SLC30A7: variants seen among roughly 807,000 people sequenced by gnomAD.
SLC30A7 encodes zinc transporter 7.
In SLC30A7, 35 loss-of-function variants were observed where a neutral mutation model predicts 46.0. The observed-to-expected ratio is 0.76, with a 90% confidence interval of 0.58 to 1.01. SLC30A7 has a LOEUF of 1.01. Among genes scored for constraint, SLC30A7 ranks in the 50% least tolerant of loss-of-function variants. The pLI is 0.00. For synonymous variants in SLC30A7, 147 were observed against 157.8 expected, an observed-to-expected ratio of 0.93 and a Z score of 0.51; for missense variants, 464 against 451.1, an observed-to-expected ratio of 1.03 and a Z score of -0.26.
chr1:100,945,069 T>C (rs2101062259), intron 8 of SLC30A7, among the ~76,000 whole-genome samples: 1 of 152,378 alleles, frequency 6.6e-6, no homozygotes, highest in Non-Finnish European at 1.5e-5. Context: ...ATGTGTCCGT[T>C]GGCTGCATAA....
chr1:100,985,995 A>G (rs1460623971), downstream of SLC30A7, among the ~76,000 whole-genome samples: 8 of 152,256 alleles, frequency 5.3e-5, no homozygotes, highest in African/African-American at 1.9e-4. Flanking sequence ...ATCCAATTTA[A>G]AAGTAGGCAA....
At chr1:100,948,082 C>T (rs1157252007) in intron 8 of SLC30A7, among the ~76,000 whole-genome samples, 2 of 152,096 alleles carry the variant, frequency 1.3e-5, no homozygotes, top group African/African-American at 4.8e-5. Flanking sequence ...TGAATTTGAT[C>T]CTGTCATTAT....
At position 100,964,973 on chromosome 1, in the gene SLC30A7, A is replaced by G. The variant is rs1383941558; in HGVS notation, c.934-796A>G. On this transcript the variant is annotated intron_variant, in intron 9 of 10. Coordinates refer to ENST00000357650, the MANE Select transcript of SLC30A7 (RefSeq NM_133496.5). ...GGAGTTTATAGAAAATAATGACTAC[A>G]TTCATCAAATTCTGACAAAACATAA... Among the ~76,000 whole-genome samples the G allele has an allele frequency of 2.6e-5, 4 of 152,356 alleles. No homozygotes were observed. In the East Asian group the frequency reaches 5.8e-4, roughly 22 times the overall value.
At chr1:100,955,387 G>T (rs894026448) in intron 8 of SLC30A7, among the ~76,000 whole-genome samples, 1 of 152,162 alleles carries the variant, frequency 6.6e-6, no homozygotes, top group East Asian at 1.9e-4. Flanking sequence ...GTTTATGATT[G>T]TAAGATTATA....
intron 7 of SLC30A7, among the ~76,000 whole-genome samples, chr1:100,920,874 G>A (rs983093226): frequency 2.7e-5 from 4 of 147,434 alleles, no homozygotes; most frequent in African/African-American, 1.0e-4. Flanking sequence ...CATGATTGAA[G>A]TTTAAAAGAA....
intron 10 of SLC30A7, among the ~76,000 whole-genome samples, chr1:100,970,364 C>T (rs981481952): frequency 2.0e-5 from 3 of 152,026 alleles, no homozygotes; most frequent in Admixed American, 2.0e-4. Context: ...GTTAATAAAA[C>T]TATAGTTTTG....
chr1:100,962,938 T>C (rs1285436223), intron 9 of SLC30A7, among the ~76,000 whole-genome samples: 1 of 152,184 alleles, frequency 6.6e-6, no homozygotes, highest in Non-Finnish European at 1.5e-5. Flanking sequence ...AGAGAAAGTG[T>C]TGGCTTATTA....
chr1:100,953,176 C>T (rs1364076302), intron 8 of SLC30A7, among the ~76,000 whole-genome samples: 2 of 152,174 alleles, frequency 1.3e-5, no homozygotes, highest in Non-Finnish European at 1.5e-5. Flanking sequence ...TTTCCTGAGG[C>T]CTCCTACTCA....
intron 8 of SLC30A7, among the ~76,000 whole-genome samples, chr1:100,934,887 A>G (rs538616548): frequency 1.3e-5 from 2 of 152,222 alleles, no homozygotes; most frequent in African/African-American, 4.8e-5. Flanking sequence ...TTTGTCAATA[A>G]TTCAGAACAT....
intron 2 of SLC30A7, 62 bp downstream of exon 2, chr1:100,896,733 G>T: frequency 1.4e-6 from 2 of 1,384,960 alleles, no homozygotes; most frequent in Non-Finnish European, 1.0e-6. Flanking sequence ...AGCACTGTTT[G>T]CTTAATGCCA....
At chr1:100,996,006 A>C in the SLC30A7 span, 1 of 152,246 alleles carries the variant, frequency 6.6e-6, no homozygotes, top group Non-Finnish European at 1.5e-5. Context: ...TTTCTTATAA[A>C]GGATATCAAA....
At chr1:100,985,863 A>G (rs1310107337), downstream of SLC30A7, among the ~76,000 whole-genome samples, 1 of 152,236 alleles carries the variant, frequency 6.6e-6, no homozygotes, top group Non-Finnish European at 1.5e-5. Flanking sequence ...TTTATCAAAA[A>G]TGGTTAAGGG....
At chr1:100,956,828 A>C (rs1471383138) in intron 8 of SLC30A7, among the ~76,000 whole-genome samples, 2 of 152,172 alleles carry the variant, frequency 1.3e-5, no homozygotes, top group Non-Finnish European at 2.9e-5. Flanking sequence ...AATTAAGAAA[A>C]CCATTTACCA....
chr1:100,953,420 T>C (rs550516400), intron 8 of SLC30A7, among the ~76,000 whole-genome samples: 1 of 152,350 alleles, frequency 6.6e-6, no homozygotes, highest in Admixed American at 6.5e-5. Context: ...ATACTTGTCA[T>C]TTCTGAAGCT....
chr1:100,954,910 A>G (rs1289901437), intron 8 of SLC30A7, among the ~76,000 whole-genome samples: 2 of 152,054 alleles, frequency 1.3e-5, no homozygotes, highest in Non-Finnish European at 2.9e-5. Context: ...GATATACAAC[A>G]TAAGCCAAAT....
At chr1:100,920,389 G>A (rs928948333) in intron 7 of SLC30A7, among the ~76,000 whole-genome samples, 3 of 151,884 alleles carry the variant, frequency 2.0e-5, no homozygotes, top group South Asian at 2.1e-4. Context: ...TTTGAAATAC[G>A]TGATAGGAAC....
At chr1:100,950,837 G>A (rs1004777225) in intron 8 of SLC30A7, among the ~76,000 whole-genome samples, 5 of 152,108 alleles carry the variant, frequency 3.3e-5, no homozygotes, top group African/African-American at 9.7e-5. Context: ...CCTGTGACAT[G>A]GATTCAAGTG....
At chr1:100,925,523 A>G (rs557734195) in intron 8 of SLC30A7, among the ~76,000 whole-genome samples, 2 of 152,286 alleles carry the variant, frequency 1.3e-5, no homozygotes, top group East Asian at 3.9e-4. Context: ...CTAACCTTAG[A>G]AATGGAGAGA....
intron 3 of SLC30A7, 101 bp downstream of exon 3, chr1:100,907,066 G>A (rs539528858): frequency 4.0e-6 from 3 of 753,278 alleles, no homozygotes; most frequent in South Asian, 3.6e-5. Flanking sequence ...GAACACAGGT[G>A]TAACTTTTGA....
Sources: gnomAD v4.1 joint callset for allele counts (sites outside exome capture counted in the v4.1 genomes callset) on GRCh38, gnomAD v4.1.1 for gene constraint, MANE v1.5 for transcripts, NCBI Gene and HGNC (gene_info 2026-07-23, HGNC 2026-07-21) for gene names.